The following PDE3A variants were observed in gnomAD, a reference collection of about 807,000 sequenced individuals.
PDE3A encodes the protein phosphodiesterase 3A.
In PDE3A, 43 loss-of-function variants were observed where a neutral mutation model predicts 98.3. That is an observed-to-expected ratio of 0.44 (90% CI 0.34 to 0.56). PDE3A has a LOEUF of 0.56. Ranked by LOEUF, PDE3A falls within the 20% of genes least tolerant of loss-of-function variation. PDE3A has a pLI of 0.01. For missense variants in PDE3A, 1,427 were observed against 1,440.7 expected, an observed-to-expected ratio of 0.99 and a Z score of 0.15; for synonymous variants, 663 against 567.9, an observed-to-expected ratio of 1.17 and a Z score of -2.38.
At chr12:20,437,189 T>A (rs1333602292) in intron 1 of PDE3A, among the ~76,000 whole-genome samples, 2 of 152,062 alleles carry the variant, frequency 1.3e-5, no homozygotes, top group Non-Finnish European at 1.5e-5. Flanking sequence ...AGACTAGAGA[T>A]GAGTGGATGG....
intron 1 of PDE3A, among the ~76,000 whole-genome samples, chr12:20,448,253 A>G (rs1944993793): frequency 6.6e-6 from 1 of 152,142 alleles, no homozygotes; most frequent in Non-Finnish European, 1.5e-5. Context: ...CAGCCTGGCC[A>G]ACTTGGTGAA....
chr12:20,452,856 G>A (rs1945091476), intron 1 of PDE3A, among the ~76,000 whole-genome samples: 1 of 152,148 alleles, frequency 6.6e-6, no homozygotes, highest in Admixed American at 6.5e-5. Context: ...GCACTCTTTG[G>A]GTGGCTCAGA....
At chr12:20,589,177 G>A (rs1203913184) in intron 2 of PDE3A, among the ~76,000 whole-genome samples, 1 of 151,994 alleles carries the variant, frequency 6.6e-6, no homozygotes, top group Non-Finnish European at 1.5e-5. Flanking sequence ...ACCTGCCTCG[G>A]CCTCCCAAAG....
At chr12:20,525,892 T>C (rs1397410512) in intron 1 of PDE3A, among the ~76,000 whole-genome samples, 2 of 152,196 alleles carry the variant, frequency 1.3e-5, no homozygotes, top group Non-Finnish European at 2.9e-5. Flanking sequence ...TACTGAGAAC[T>C]GCAGAAAAAT....
chr12:20,465,407 TTTTA>T (rs1945324449), intron 1 of PDE3A, among the ~76,000 whole-genome samples: 2 of 152,132 alleles, frequency 1.3e-5, no homozygotes. Flanking sequence ...ATTTATTTTA[TTTTA>T]TTTATTTGTT....
intron 1 of PDE3A, among the ~76,000 whole-genome samples, chr12:20,547,966 G>T (rs1942098380): frequency 6.6e-6 from 1 of 152,002 alleles, no homozygotes. Context: ...TAAATTCTGT[G>T]TTTGGCAGCA....
chr12:20,384,487 A>G (rs1201688276), intron 1 of PDE3A, among the ~76,000 whole-genome samples: 1 of 151,944 alleles, frequency 6.6e-6, no homozygotes, highest in Non-Finnish European at 1.5e-5. Flanking sequence ...AAAGAGATGT[A>G]TTTGCAGCTG....
rs544833437 is a variant in PDE3A, at chr12:20,637,351, G to A, written c.2139+114G>A. On this transcript the variant is annotated intron_variant, in intron 9 of 15. Coordinates refer to ENST00000359062, the MANE Select transcript of PDE3A (RefSeq NM_000921.5). ...GATAGGTGTTATGTGGAGAAAGGAA[G>A]TTTTAGAACACAACATTCTGTAGAT... 87 of 675,202 alleles carry A rather than the reference G, an allele frequency of 1.3e-4. 1 individual carries two copies. The African/African-American group carries it at 1.4e-3, about 11-fold the overall frequency. 41.8% of individuals were successfully genotyped at this position (675,202 alleles called of 1,614,324 possible).
intron 1 of PDE3A, among the ~76,000 whole-genome samples, chr12:20,471,664 G>T (rs1329531442): frequency 1.3e-5 from 2 of 152,098 alleles, no homozygotes; most frequent in Non-Finnish European, 2.9e-5. Context: ...GACTGTAAAA[G>T]TAAGAAAGTA....
At chr12:20,486,470 T>TGGG (rs1945730075) in intron 1 of PDE3A, among the ~76,000 whole-genome samples, 1 of 152,110 alleles carries the variant, frequency 6.6e-6, no homozygotes, top group Non-Finnish European at 1.5e-5. Context: ...AGATTTTGAG[T>TGGG]GGGGACACAG....
chr12:20,498,254 C>A (rs1945959003), intron 1 of PDE3A, among the ~76,000 whole-genome samples: 1 of 151,844 alleles, frequency 6.6e-6, no homozygotes, highest in Non-Finnish European at 1.5e-5. Context: ...GTGGAGCTTG[C>A]AGATTAAAAT....
intron 2 of PDE3A, among the ~76,000 whole-genome samples, chr12:20,601,220 C>T (rs73080726): frequency 0.11 from 16,551 of 151,078 alleles, 1,027 homozygotes; most frequent in East Asian, 0.23. Context: ...AAAGGTATAG[C>T]TCCAAGGCTT....
intron 1 of PDE3A, among the ~76,000 whole-genome samples, chr12:20,532,197 GGATA>G (rs1204055664): frequency 3.3e-5 from 5 of 151,982 alleles, no homozygotes; most frequent in Non-Finnish European, 5.9e-5. Context: ...TAAATAAAAG[GGATA>G]GATAGGTAAG....
At chr12:20,604,677 A>T (rs1943670377) in intron 2 of PDE3A, among the ~76,000 whole-genome samples, 2 of 152,192 alleles carry the variant, frequency 1.3e-5, no homozygotes, top group Admixed American at 1.3e-4. Flanking sequence ...TGGGAATTTT[A>T]AAAAGTTTTT....
At chr12:20,436,334 A>T (rs1033097130) in intron 1 of PDE3A, among the ~76,000 whole-genome samples, 2 of 152,166 alleles carry the variant, frequency 1.3e-5, no homozygotes, top group Non-Finnish European at 2.9e-5. Flanking sequence ...ATACTAAAAA[A>T]CAAAACAAAA....
intron 1 of PDE3A, among the ~76,000 whole-genome samples, chr12:20,487,840 A>T (rs1239221588): frequency 6.6e-6 from 1 of 152,148 alleles, no homozygotes; most frequent in African/African-American, 2.4e-5. Context: ...AGAGAAATGC[A>T]TGAGCTAGTC....
intron 15 of PDE3A, 72 bp downstream of exon 15, chr12:20,654,277 T>C: frequency 7.1e-7 from 1 of 1,410,936 alleles, no homozygotes. Flanking sequence ...ATTTTATGCT[T>C]CTTATGAAAT....
At chr12:20,458,784 G>A (rs1945196848) in intron 1 of PDE3A, among the ~76,000 whole-genome samples, 1 of 152,100 alleles carries the variant, frequency 6.6e-6, no homozygotes, top group Non-Finnish European at 1.5e-5. Flanking sequence ...CCAGTGAAAA[G>A]CAAAGACAGA....
At chr12:20,417,790 C>G (rs887568434) in intron 1 of PDE3A, among the ~76,000 whole-genome samples, 2 of 152,170 alleles carry the variant, frequency 1.3e-5, no homozygotes, top group Non-Finnish European at 2.9e-5. Context: ...TGAGTACTTA[C>G]TGAGTGTTCG....
Sources: allele counts gnomAD v4.1 joint callset (sites outside exome capture counted in the v4.1 genomes callset), GRCh38; gene constraint gnomAD v4.1.1; transcripts MANE v1.5; gene names NCBI Gene and HGNC (gene_info 2026-07-23, HGNC 2026-07-21).